The following OR4F17 variants were observed in gnomAD, a reference collection of about 807,000 sequenced individuals.
OR4F17 encodes olfactory receptor 4F17.
For missense variants in OR4F17, 1 was observed against 323.6 expected (o/e 0.00, Z 7.65); for synonymous variants, 1 against 120.7 (o/e 0.01, Z 6.50).
In OR4F17 at chr19:109,975, G is replaced by C. The variant is rs1235792866; in HGVS notation, c.-54-650G>C. Among the ~76,000 whole-genome samples, 9 of 150,498 alleles carry C rather than the reference G, an allele frequency of 6.0e-5. No individual in the cohort carries two copies. In the South Asian group the frequency reaches 6.5e-4, roughly 11 times the overall value. ...CCTTCCAATTCACATTGAGTCCAGA[G>C]CTAAATTAAACAATCATTCAAAATT... On this transcript the variant is annotated intron_variant, in intron 2 of 2. Transcript: ENST00000585993.
At chr19:110,223 A>AT (rs1223215440) in intron 2 of OR4F17, among the ~76,000 whole-genome samples, 1 of 149,216 alleles carries the variant, frequency 6.7e-6, no homozygotes, top group Non-Finnish European at 1.5e-5. Context: ...CTTTTTTTCT[A>AT]TTTTTTATCT....
At chr19:108,044 T>G (rs1417015755) in intron 2 of OR4F17, among the ~76,000 whole-genome samples, 2 of 107,874 alleles carry the variant, frequency 1.9e-5, no homozygotes, top group East Asian at 5.3e-4. Flanking sequence ...ATATAATATA[T>G]ATTTTATTAT....
intron 2 of OR4F17, among the ~76,000 whole-genome samples, chr19:108,914 C>T (rs1180289447): frequency 6.6e-6 from 1 of 151,868 alleles, no homozygotes; most frequent in African/African-American, 2.4e-5. Flanking sequence ...TTTTATAGGA[C>T]TTTAAAAACA....
At chr19:107,874 TA>T in intron 2 of OR4F17, among the ~76,000 whole-genome samples, 1 of 58,382 alleles carries the variant, frequency 1.7e-5, no homozygotes, top group Non-Finnish European at 2.9e-5. Context: ...TTTTATTATA[TA>T]ATATAATATA....
At chr19:108,141 A>ATGTAC (rs1968652906) in intron 2 of OR4F17, among the ~76,000 whole-genome samples, 7 of 128,540 alleles carry the variant, frequency 5.4e-5, no homozygotes, top group South Asian at 2.3e-4. Context: ...TATATAACAT[A>ATGTAC]TATTATTATA....
In OR4F17 at chr19:109,971, C is replaced by G. The variant is rs1968684304; in HGVS notation, c.-54-654C>G. ...CCTCCCTTCCAATTCACATTGAGTCCAGAGCTAAATTAAACAATCATTCAA... is the reference window on the plus strand; with the variant it reads ...CCTCCCTTCCAATTCACATTGAGTCGAGAGCTAAATTAAACAATCATTCAA... On this transcript the variant is annotated intron_variant, in intron 2 of 2. Coordinates refer to ENST00000585993, the MANE Select transcript of OR4F17 (RefSeq NM_001005240.3). Among the ~76,000 whole-genome samples, 4 of 151,760 alleles carry G rather than the reference C, an allele frequency of 2.6e-5. No homozygotes were observed. In the South Asian group the frequency reaches 8.4e-4, roughly 32 times the overall value.
intron 2 of OR4F17, among the ~76,000 whole-genome samples, 153 bp downstream of exon 2, chr19:107,708 C>T (rs979391974): frequency 3.4e-5 from 5 of 147,216 alleles, no homozygotes; most frequent in Non-Finnish European, 5.9e-5. Context: ...TGCCTACTCC[C>T]ATCTCAGTGA....
intron 2 of OR4F17, among the ~76,000 whole-genome samples, chr19:107,861 AT>A (rs1968635765): frequency 1.1e-5 from 1 of 94,032 alleles, no homozygotes; most frequent in African/African-American, 4.2e-5. Context: ...AATATAATAT[AT>A]ATTTTATTAT....
intron 2 of OR4F17, among the ~76,000 whole-genome samples, chr19:108,199 A>G (rs1305766016): frequency 1.5e-5 from 2 of 136,970 alleles, no homozygotes; most frequent in Non-Finnish European, 3.1e-5. Flanking sequence ...TATATTATAT[A>G]AATATATATA....
At chr19:110,129 CACTTTTTCTCACTT>C (rs1336158366) in intron 2 of OR4F17, among the ~76,000 whole-genome samples, 1 of 148,836 alleles carries the variant, frequency 6.7e-6, no homozygotes, top group Non-Finnish European at 1.5e-5. Context: ...GCATTTTCCT[CACTTTTTCTCACTT>C]CACTTTTGAA....
At chr19:107,780 A>AT (rs537825207) in intron 2 of OR4F17, among the ~76,000 whole-genome samples, 922 of 128,556 alleles carry the variant, frequency 7.2e-3, no homozygotes, top group Non-Finnish European at 0.01. Flanking sequence ...ATATATTTAT[A>AT]TATATTACAT....
intron 2 of OR4F17, among the ~76,000 whole-genome samples, chr19:110,223 ATTT>A (rs1223215440): frequency 1.3e-5 from 2 of 149,212 alleles, no homozygotes; most frequent in Non-Finnish European, 3.0e-5. Flanking sequence ...CTTTTTTTCT[ATTT>A]TTTATCTTTC....
At chr19:109,995 A>G (rs1418213028) in intron 2 of OR4F17, among the ~76,000 whole-genome samples, 15 of 147,760 alleles carry the variant, frequency 1.0e-4, no homozygotes, top group East Asian at 8.5e-4. Context: ...ACAATCATTC[A>G]AAATTTTTCA....
chr19:108,051 T>TAA (rs1568168890), intron 2 of OR4F17, among the ~76,000 whole-genome samples: 2 of 107,902 alleles, frequency 1.9e-5, no homozygotes, highest in African/African-American at 7.2e-5. Context: ...ATATATTTTA[T>TAA]TATAAAATAT....
intron 2 of OR4F17, among the ~76,000 whole-genome samples, chr19:108,085 T>TA (rs1968649997): frequency 8.2e-6 from 1 of 122,466 alleles, no homozygotes; most frequent in East Asian, 2.6e-4. Context: ...TAATATATAT[T>TA]TTATTATATA....
At chr19:108,250 T>C (rs1452736487) in intron 2 of OR4F17, among the ~76,000 whole-genome samples, 102 of 147,290 alleles carry the variant, frequency 6.9e-4, no homozygotes, top group African/African-American at 2.5e-3. Flanking sequence ...GAATAATCTA[T>C]GGCATGAAAG....
intron 2 of OR4F17, among the ~76,000 whole-genome samples, chr19:109,005 TGAA>T: frequency 6.6e-6 from 1 of 151,362 alleles, no homozygotes; most frequent in South Asian, 2.1e-4. Flanking sequence ...CCAAGCACTA[TGAA>T]TTACTGTTCT....
chr19:107,850 AAATAT>A (rs1353797249), intron 2 of OR4F17, among the ~76,000 whole-genome samples: 1,234 of 79,544 alleles, frequency 0.016, 6 homozygotes, highest in East Asian at 0.049. Flanking sequence ...TAAATTATAT[AAATAT>A]AATATATATT....
At chr19:109,644 C>T (rs1476647691) in intron 2 of OR4F17, among the ~76,000 whole-genome samples, 7 of 136,240 alleles carry the variant, frequency 5.1e-5, no homozygotes, top group African/African-American at 1.6e-4. Context: ...TATACCTGGT[C>T]GTATCCAATC....
Sources: allele counts gnomAD v4.1 joint callset (sites outside exome capture counted in the v4.1 genomes callset), GRCh38; gene constraint gnomAD v4.1.1; transcripts MANE v1.5; gene names NCBI Gene and HGNC (gene_info 2026-07-23, HGNC 2026-07-21).